Variants in SSH2 observed in about 807,000 individuals in gnomAD.
SSH2 encodes protein phosphatase Slingshot homolog 2.
A neutral mutation model predicts 135.2 loss-of-function variants in SSH2; 37 were observed. The observed-to-expected ratio is 0.27, with a 90% CI of 0.21 to 0.36. The LOEUF is 0.36. Ranked by LOEUF, SSH2 falls within the 10% of genes least tolerant of loss-of-function variation. The pLI is 1.00. For synonymous variants in SSH2, 628 were observed against 646.2 expected (o/e 0.97, Z 0.43); for missense variants, 1,408 against 1,765.3 (o/e 0.80, Z 3.63).
chr17:29,750,904 T>C (rs891981377), intron 3 of SSH2, among the ~76,000 whole-genome samples: 1 of 151,938 alleles, frequency 6.6e-6, no homozygotes, highest in South Asian at 2.1e-4. Context: ...GAAACTTTTT[T>C]GTTAAAGACA....
chr17:29,901,325 T>G (rs998013976), intron 1 of SSH2, among the ~76,000 whole-genome samples: 2 of 152,210 alleles, frequency 1.3e-5, no homozygotes, highest in Admixed American at 1.3e-4. Context: ...TGAAATTTTT[T>G]ACTTAAGAGT....
At chr17:29,853,355 G>A (rs1463946902) in intron 1 of SSH2, among the ~76,000 whole-genome samples, 3 of 151,694 alleles carry the variant, frequency 2.0e-5, no homozygotes, top group Non-Finnish European at 4.4e-5. Flanking sequence ...AAAGTGCTGG[G>A]ATTACAGGCA....
At chr17:29,862,330 T>C (rs1407233618) in intron 1 of SSH2, among the ~76,000 whole-genome samples, 1 of 152,260 alleles carries the variant, frequency 6.6e-6, no homozygotes, top group Non-Finnish European at 1.5e-5. Flanking sequence ...TCTCAACTTG[T>C]ACTGCCAGGG....
chr17:29,813,493 C>A (rs759384179), intron 2 of SSH2, among the ~76,000 whole-genome samples: 2 of 151,968 alleles, frequency 1.3e-5, no homozygotes, highest in Non-Finnish European at 2.9e-5. Flanking sequence ...AAAATCCAAA[C>A]AAGGATGCTG....
intron 8 of SSH2, among the ~76,000 whole-genome samples, chr17:29,674,600 CCT>C (rs1323302777): frequency 6.6e-6 from 1 of 152,064 alleles, no homozygotes; most frequent in Non-Finnish European, 1.5e-5. Context: ...TTTTTTTCCC[CCT>C]GTGACTTCAA....
chr17:29,727,037 T>TA (rs2040024480), intron 3 of SSH2, among the ~76,000 whole-genome samples: 1 of 152,252 alleles, frequency 6.6e-6, no homozygotes, highest in East Asian at 1.9e-4. Flanking sequence ...CACACATGTC[T>TA]ATATCATTTC....
chr17:29,926,220 T>G (rs1011372084), intron 1 of SSH2, among the ~76,000 whole-genome samples: 3 of 151,976 alleles, frequency 2.0e-5, no homozygotes, highest in African/African-American at 7.3e-5. Flanking sequence ...CTCAAAGCCC[T>G]CTGGCTCATA....
At chr17:29,716,506 A>G in intron 3 of SSH2, 1 of 715,624 alleles carries the variant, frequency 1.4e-6, no homozygotes, top group South Asian at 1.4e-5. Context: ...AGACTCCTTC[A>G]GTTCTGCCAT....
At chr17:29,795,613 T>C (rs1303178915) in intron 2 of SSH2, among the ~76,000 whole-genome samples, 2 of 152,330 alleles carry the variant, frequency 1.3e-5, no homozygotes, top group African/African-American at 2.4e-5. Context: ...CAAATGTAAA[T>C]GTTAGATTTT....
chr17:29,690,083 T>G (rs887465121), intron 5 of SSH2, among the ~76,000 whole-genome samples: 5 of 151,664 alleles, frequency 3.3e-5, no homozygotes, highest in African/African-American at 1.2e-4. Context: ...TACTCCTCCT[T>G]AAGCTTAAAC....
chr17:29,684,774 T>G, intron 5 of SSH2, 90 bp from the exon 6 acceptor site: 1 of 1,283,396 alleles, frequency 7.8e-7, no homozygotes, highest in Non-Finnish European at 1.1e-6. Context: ...TCTTAAAGCA[T>G]ACTCACGAAG....
chr17:29,779,869 A>C (rs1034355027), intron 3 of SSH2, among the ~76,000 whole-genome samples: 11 of 147,282 alleles, frequency 7.5e-5, no homozygotes, highest in Admixed American at 3.4e-4. Context: ...GATCAGTTAC[A>C]GCCACTTTCT....
intron 5 of SSH2, among the ~76,000 whole-genome samples, chr17:29,693,440 T>C (rs2038578072): frequency 6.6e-6 from 1 of 151,944 alleles, no homozygotes; most frequent in African/African-American, 2.4e-5. Context: ...GCCTCCTGAG[T>C]AGCTGGGACT....
intron 1 of SSH2, among the ~76,000 whole-genome samples, chr17:29,891,604 A>C (rs912059588): frequency 2.6e-5 from 4 of 152,166 alleles, no homozygotes; most frequent in African/African-American, 4.8e-5. Flanking sequence ...AAAAAAAAAA[A>C]CAAAATAGCC....
rs140483496 is a variant in SSH2 at position 29,852,019 on chromosome 17, T to C, written c.64-3090A>G. On this transcript the variant is annotated intron_variant, in intron 1 of 15. Transcript: ENST00000540801. ...CCTTTCGGCTGGGCACGGTGGCTCA[T>C]GCCTGTAATCCCAGCACTTTGGGAG... Among the ~76,000 whole-genome samples, 1,100 of 152,066 alleles carry C rather than the reference T, an allele frequency of 7.2e-3. 11 individuals carry two copies. The highest frequency in any genetic ancestry group is 0.022 in the African/African-American group (897 of 41,470).
chr17:29,718,337 C>G (rs1870998023), intron 3 of SSH2, among the ~76,000 whole-genome samples: 1 of 152,172 alleles, frequency 6.6e-6, no homozygotes, highest in Non-Finnish European at 1.5e-5. Context: ...ATGTCTTTAG[C>G]CACACTTATG....
At chr17:29,708,817 T>A (rs1466961566) in intron 3 of SSH2, among the ~76,000 whole-genome samples, 4 of 151,254 alleles carry the variant, frequency 2.6e-5, no homozygotes, top group Admixed American at 6.6e-5. Context: ...GAAAATACTA[T>A]TTTCTTGATC....
chr17:29,927,229 T>C (rs529998750), intron 1 of SSH2, among the ~76,000 whole-genome samples: 4 of 152,196 alleles, frequency 2.6e-5, no homozygotes, highest in Non-Finnish European at 4.4e-5. Context: ...ACAATACTTA[T>C]GACCATCACA....
intron 1 of SSH2, among the ~76,000 whole-genome samples, chr17:29,917,345 C>T (rs1278734693): frequency 1.3e-5 from 2 of 152,166 alleles, no homozygotes; most frequent in African/African-American, 4.8e-5. Flanking sequence ...ATTCCCTGAC[C>T]ATTATCCCCT....
Sources: gnomAD v4.1 joint callset for allele counts (sites outside exome capture counted in the v4.1 genomes callset) on GRCh38, gnomAD v4.1.1 for gene constraint, MANE v1.5 for transcripts, NCBI Gene and HGNC (gene_info 2026-07-23, HGNC 2026-07-21) for gene names.